Variants in DMRT1 observed in about 807,000 individuals in gnomAD.
DMRT1 encodes the protein doublesex and mab-3 related transcription factor 1, also known as doublesex- and mab-3-related transcription factor 1.
A neutral mutation model predicts 32.3 loss-of-function variants in DMRT1; 7 were observed. The observed-to-expected ratio is 0.22, with a 90% CI of 0.12 to 0.41. DMRT1 has a LOEUF of 0.41. DMRT1 is among the 10% of genes least tolerant of loss of function. The pLI, the probability that DMRT1 is intolerant of heterozygous loss-of-function variation, is 1.00. For synonymous variants in DMRT1, 278 were observed against 206.1 expected (o/e 1.35, Z -2.99); for missense variants, 625 against 500.5 (o/e 1.25, Z -2.37).
intron 3 of DMRT1, among the ~76,000 whole-genome samples, chr9:903,196 T>G (rs1447239953): frequency 2.0e-5 from 3 of 152,200 alleles, no homozygotes; most frequent in African/African-American, 7.2e-5. Flanking sequence ...CAACATAGTC[T>G]TACTCCTGCA....
In DMRT1 at chr9:968,058, C is replaced by G; in HGVS notation, c.1041C>G (p.Ser347Arg). The G allele has an allele frequency of 1.9e-6, 3 of 1,614,172 alleles. No homozygotes were observed. The highest frequency in any genetic ancestry group is 2.5e-6 in the Non-Finnish European group (3 of 1,180,042). Residue 347 changes from serine to arginine, a missense_variant, in exon 5 of 5, where the codon AGC (serine) becomes AGG (arginine). Physicochemically the swap from Ser to Arg is moderately radical, Grantham distance 110. Transcript: ENST00000382276. ...GCAGCTCTCCTATTAGTAACAAGAG[C>G]ACAAAGGCAGTGCTTGAATGTGAGC... ...LSSSSPISNKSTKAVLECEPA... is the reference protein window; with the variant it reads ...LSSSSPISNKRTKAVLECEPA...
chr9:937,998 AT>A (rs1818943451), intron 4 of DMRT1, among the ~76,000 whole-genome samples: 2 of 151,976 alleles, frequency 1.3e-5, no homozygotes, highest in Admixed American at 1.3e-4. Flanking sequence ...AAGATCTTTC[AT>A]TAATTTTAAG....
chr9:887,334 T>G (rs1490515688), intron 2 of DMRT1, among the ~76,000 whole-genome samples: 1 of 152,224 alleles, frequency 6.6e-6, no homozygotes, highest in Non-Finnish European at 1.5e-5. Context: ...CCTGGAGTAT[T>G]TAAAGCACCT....
At chr9:918,474 A>G (rs1251779641) in intron 4 of DMRT1, among the ~76,000 whole-genome samples, 1 of 152,202 alleles carries the variant, frequency 6.6e-6, no homozygotes, top group Non-Finnish European at 1.5e-5. Context: ...TAGGCATTTG[A>G]ATTTATGGCA....
intron 4 of DMRT1, among the ~76,000 whole-genome samples, chr9:937,472 G>C (rs564809714): frequency 1.3e-5 from 2 of 152,334 alleles, no homozygotes; most frequent in African/African-American, 2.4e-5. Flanking sequence ...AGCAGTGCAT[G>C]ATGGTTCAAC....
rs1434602698 is a variant in DMRT1 at position 894,122 on chromosome 9, G to T, written c.749G>T (p.Gly250Val). The T allele has an allele frequency of 3.7e-6, 6 of 1,614,240 alleles. No homozygotes were observed. The highest frequency in any genetic ancestry group is 1.7e-4 in the Middle Eastern group (1 of 6,054). ...GGGGAGGTGGGAAATCCCCTCGGGG[G>T]ATCCCCTGTGAAGAACAGCCTTCGG... ...ASGEVGNPLG[G>V]SPVKNSLRGL... is the part of the protein sequence containing the mutation. Residue 250 changes from glycine to valine, a missense_variant, in exon 3 of 5, where the codon GGA becomes GTA. This residue lies in a region of DMRT1 where 416 missense variants were observed against 321.6 expected (regional missense o/e 1.29). Transcript: ENST00000382276.
chr9:866,110 G>A (rs1267441941), intron 2 of DMRT1, among the ~76,000 whole-genome samples: 1 of 134,302 alleles, frequency 7.4e-6, no homozygotes. Context: ...GCTGCCGTGA[G>A]CCGAGATCCT....
At chr9:930,702 C>A (rs1456500853) in intron 4 of DMRT1, among the ~76,000 whole-genome samples, 1 of 152,118 alleles carries the variant, frequency 6.6e-6, no homozygotes, top group Admixed American at 6.5e-5. Context: ...GCCACCGCAC[C>A]CGGCCAATTT....
intron 3 of DMRT1, among the ~76,000 whole-genome samples, chr9:906,474 G>T (rs903200051): frequency 6.6e-6 from 1 of 152,204 alleles, no homozygotes; most frequent in African/African-American, 2.4e-5. Context: ...CTATACTGCT[G>T]ATAGGGCTAT....
At chr9:880,502 G>A (rs141149247) in intron 2 of DMRT1, among the ~76,000 whole-genome samples, 13 of 151,898 alleles carry the variant, frequency 8.6e-5, no homozygotes, top group East Asian at 3.9e-4. Context: ...TGAGGTGGGC[G>A]GATCACCTGA....
At chr9:861,805 CGGGG>C (rs57064577) in intron 2 of DMRT1, among the ~76,000 whole-genome samples, 4 of 143,592 alleles carry the variant, frequency 2.8e-5, no homozygotes, top group Non-Finnish European at 6.1e-5. Context: ...GGCTGCCGGG[CGGGG>C]GGGGGCTCCT....
chr9:890,085 G>GTTTTTTTTTTTTTTTTTT (rs35228255), intron 2 of DMRT1, among the ~76,000 whole-genome samples: 12 of 103,000 alleles, frequency 1.2e-4, no homozygotes, highest in African/African-American at 4.2e-4. Context: ...CACCAAACGT[G>GTTTTTTTTTTTTTTTTTT]TTTTTTTTTT....
chr9:952,331 G>C (rs528253052), intron 4 of DMRT1, among the ~76,000 whole-genome samples: 133 of 152,316 alleles, frequency 8.7e-4, no homozygotes, highest in African/African-American at 3.1e-3. Flanking sequence ...ACTAACAGTA[G>C]TCATTGTTTT....
chr9:930,070 T>G (rs1266352076), intron 4 of DMRT1, among the ~76,000 whole-genome samples: 15 of 152,170 alleles, frequency 9.9e-5, no homozygotes, highest in Admixed American at 9.8e-4. Flanking sequence ...CTCATAAACC[T>G]AAGAGGGTGT....
intron 2 of DMRT1, among the ~76,000 whole-genome samples, chr9:875,522 T>A (rs1458246294): frequency 2.0e-5 from 3 of 152,214 alleles, no homozygotes; most frequent in African/African-American, 7.2e-5. Context: ...GCATGTTAGG[T>A]TTCTGGTGAT....
intron 4 of DMRT1, among the ~76,000 whole-genome samples, chr9:952,194 G>A (rs1035423015): frequency 6.6e-6 from 1 of 152,132 alleles, no homozygotes; most frequent in Non-Finnish European, 1.5e-5. Context: ...CCTGTATCTC[G>A]AACAGTGCTG....
intron 2 of DMRT1, among the ~76,000 whole-genome samples, chr9:892,899 G>T (rs979168256): frequency 6.6e-6 from 1 of 152,020 alleles, no homozygotes; most frequent in South Asian, 2.1e-4. Context: ...CCACTCCTTT[G>T]TCCTTGCTGC....
chr9:947,177 A>G (rs1323824494), intron 4 of DMRT1, among the ~76,000 whole-genome samples: 2 of 152,250 alleles, frequency 1.3e-5, no homozygotes, highest in Non-Finnish European at 2.9e-5. Flanking sequence ...CCACAGGACT[A>G]CAGCCACATG....
intron 2 of DMRT1, among the ~76,000 whole-genome samples, chr9:858,300 T>A (rs1370330655): frequency 6.6e-6 from 1 of 152,134 alleles, no homozygotes; most frequent in Admixed American, 6.6e-5. Flanking sequence ...TGTCCTTGTA[T>A]TGTGCTGCCT....
Sources: allele counts gnomAD v4.1 joint callset (sites outside exome capture counted in the v4.1 genomes callset), GRCh38; gene constraint gnomAD v4.1.1; regional missense constraint gnomAD v4.1.1; transcripts MANE v1.5; gene names NCBI Gene and HGNC (gene_info 2026-07-23, HGNC 2026-07-21).